CRYBG1: variants seen among roughly 807,000 people sequenced by gnomAD.
CRYBG1 encodes the protein beta/gamma crystallin domain-containing protein 1.
Under a neutral mutation model 189.2 loss-of-function variants are expected in CRYBG1, and 139 were observed. The ratio of observed to expected loss-of-function variants is 0.73; its 90% CI spans 0.64 to 0.85. The LOEUF (loss-of-function observed/expected upper bound fraction) is 0.85. CRYBG1 is among the 40% of genes least tolerant of loss of function. The pLI, the probability that CRYBG1 is intolerant of heterozygous loss-of-function variation, is 0.00. For missense variants in CRYBG1, 2,611 were observed against 2,675.8 expected (o/e 0.98, Z 0.53); for synonymous variants, 1,023 against 1,017.1 (o/e 1.01, Z -0.11).
In CRYBG1 at chr6:106,563,707, C is replaced by T. The variant is rs1009827169; in HGVS notation, c.6139-57C>T. The stretch of plus-strand genomic sequence containing the variant: ...CCCAATGTAACCAGAGAAATAATTG[C>T]TATGAGACTTACAGCTGGATACATA... On this transcript the variant is annotated intron_variant, in intron 20 of 21. Transcript: ENST00000633556. 8 of 1,525,492 alleles carry T rather than the reference C, an allele frequency of 5.2e-6. No homozygotes were observed. The Admixed American group carries it at 7.4e-5, about 14-fold the overall frequency. The allele number at this position is 1,525,492 out of a possible 1,614,324, so 94.5% of individuals were successfully genotyped here. A position where few individuals can be genotyped will look rare whatever the true frequency, so the allele number is the denominator to read the frequency against.
At chr6:106,513,795 T>C (rs1000634998) in intron 3 of CRYBG1, among the ~76,000 whole-genome samples, 1 of 152,232 alleles carries the variant, frequency 6.6e-6, no homozygotes, top group Admixed American at 6.5e-5. Context: ...AAAAAGTCCC[T>C]AATTTATGTA....
chr6:106,561,145 G>A (rs1774706086), intron 19 of CRYBG1, among the ~76,000 whole-genome samples, 197 bp from the exon 20 acceptor site: 1 of 152,200 alleles, frequency 6.6e-6, no homozygotes, highest in South Asian at 2.1e-4. Flanking sequence ...GTTATCCACA[G>A]GCAGGCACCC....
intron 2 of CRYBG1, among the ~76,000 whole-genome samples, chr6:106,464,160 C>G (rs772731892): frequency 3.9e-5 from 6 of 152,154 alleles, no homozygotes; most frequent in Non-Finnish European, 8.8e-5. Context: ...CTGGGCCTGT[C>G]TAATCGAACG....
At chr6:106,482,872 CTTGTAA>C (rs974984148) in intron 2 of CRYBG1, among the ~76,000 whole-genome samples, 2 of 152,092 alleles carry the variant, frequency 1.3e-5, no homozygotes, top group African/African-American at 4.8e-5. Flanking sequence ...TAATTGACAT[CTTGTAA>C]TTGTACATAT....
intron 2 of CRYBG1, among the ~76,000 whole-genome samples, chr6:106,483,322 G>A (rs1383393813): frequency 1.3e-5 from 2 of 149,066 alleles, no homozygotes; most frequent in African/African-American, 4.9e-5. Context: ...CAAATGACAG[G>A]ATTTCATTCT....
In CRYBG1 at chr6:106,521,038, C is replaced by T. The variant is rs769073910; in HGVS notation, c.3830C>T (p.Ser1277Phe). ...GCTTTCAGTACTTCTCAGAACGGTT[C>T]CCTATCTCAGTCTTCAGTGTCACAG... is the stretch of plus-strand genomic sequence containing the variant. ...TTAFSTSQNG[S>F]LSQSSVSQPT... The change falls in exon 4 of 22, where the codon TCC becomes TTC. Residue 1277 changes from serine to phenylalanine, a missense_variant. Coordinates refer to ENST00000633556, the MANE Select transcript of CRYBG1 (RefSeq NM_001371242.2). 1.9e-5 allele frequency: 30 copies of T among 1,614,020 alleles called. No individual in the cohort carries two copies. The South Asian group carries it at 3.2e-4, about 17-fold the overall frequency.
intron 9 of CRYBG1, among the ~76,000 whole-genome samples, chr6:106,540,935 T>C (rs543903893): frequency 1.3e-5 from 2 of 152,306 alleles, no homozygotes; most frequent in South Asian, 4.1e-4. Context: ...AGTTTTTTTG[T>C]TTTTAAAAAG....
chr6:106,446,878 T>C (rs559994584), intron 1 of CRYBG1, among the ~76,000 whole-genome samples: 2 of 152,258 alleles, frequency 1.3e-5, no homozygotes, highest in Admixed American at 1.3e-4. Context: ...CTTGCCGTTA[T>C]TAATTTTGCT....
At chr6:106,477,032 A>T (rs184631076) in intron 2 of CRYBG1, among the ~76,000 whole-genome samples, 1 of 152,286 alleles carries the variant, frequency 6.6e-6, no homozygotes, top group South Asian at 2.1e-4. Context: ...TGGTATTGTT[A>T]TTATTATTGG....
chr6:106,367,052 A>G (rs1177772256), intron 1 of CRYBG1, among the ~76,000 whole-genome samples: 1 of 152,050 alleles, frequency 6.6e-6, no homozygotes, highest in African/African-American at 2.4e-5. Context: ...AGCCAAGGCT[A>G]AACTTTCTAC....
rs747598742 is a variant in CRYBG1 at position 106,571,155 on chromosome 6, A to AAGTT, written c.*2592_*2595dup. The AAGTT allele has an allele frequency of 2.0e-5, 3 of 152,184 alleles. No homozygotes were observed. The highest frequency in any genetic ancestry group is 4.4e-5 in the Non-Finnish European group (3 of 68,028). The allele number at this position is 152,184 out of a possible 1,614,324, so 9.4% of individuals were successfully genotyped here. ...TTATGCAAGATGTAAGGGTTTTAAAAAGTTAGAAACTCTGCTCTCACCTTT... is the reference window on the plus strand; with the variant it reads ...TTATGCAAGATGTAAGGGTTTTAAAAAGTTAGTTAGAAACTCTGCTCTCACCTTT... On this transcript the variant is annotated 3_prime_UTR_variant, in exon 22 of 22. Transcript: ENST00000633556.
chr6:106,416,256 C>A (rs1338583249), intron 1 of CRYBG1, among the ~76,000 whole-genome samples: 1 of 152,226 alleles, frequency 6.6e-6, no homozygotes, highest in Non-Finnish European at 1.5e-5. Context: ...GAGTCCATAG[C>A]GTGATGAACA....
chr6:106,514,084 T>G (rs1409812929), intron 3 of CRYBG1, among the ~76,000 whole-genome samples: 1 of 152,168 alleles, frequency 6.6e-6, no homozygotes, highest in Non-Finnish European at 1.5e-5. Context: ...CTGTAAATCC[T>G]GGGGAAGTGC....
intron 1 of CRYBG1, among the ~76,000 whole-genome samples, chr6:106,373,674 T>C (rs1447788404): frequency 1.3e-5 from 2 of 152,240 alleles, no homozygotes; most frequent in Admixed American, 6.5e-5. Flanking sequence ...CTAACTTCTA[T>C]GTCAGTAGGT....
At chr6:106,435,020 C>T (rs1582760885) in intron 1 of CRYBG1, among the ~76,000 whole-genome samples, 1 of 152,078 alleles carries the variant, frequency 6.6e-6, no homozygotes, top group South Asian at 2.1e-4. Context: ...TCAGCGTGCC[C>T]CTTCATTATT....
At chr6:106,404,143 G>A (rs1770773568) in intron 1 of CRYBG1, among the ~76,000 whole-genome samples, 1 of 152,194 alleles carries the variant, frequency 6.6e-6, no homozygotes, top group Non-Finnish European at 1.5e-5. Flanking sequence ...CACTGGCTTG[G>A]TGGTGTTATG....
chr6:106,548,476 C>G (rs1422465661), intron 13 of CRYBG1, among the ~76,000 whole-genome samples: 2 of 152,196 alleles, frequency 1.3e-5, no homozygotes, highest in Non-Finnish European at 2.9e-5. Flanking sequence ...ATACAGTACC[C>G]ATACTTGTTA....
intron 3 of CRYBG1, among the ~76,000 whole-genome samples, chr6:106,518,586 G>A (rs184305895): frequency 8.1e-4 from 123 of 152,040 alleles, no homozygotes; most frequent in East Asian, 3.1e-3. Flanking sequence ...ATAATCTTCC[G>A]ATCCCTCATA....
At position 106,553,404 on chromosome 6, in the gene CRYBG1, T is replaced by C. The variant is rs373029958; in HGVS notation, c.5473-51T>C. 1.2e-5 allele frequency: 15 copies of C among 1,258,026 alleles called. No homozygotes were observed. The African/African-American group carries it at 1.9e-4, about 16-fold the overall frequency. 77.9% of individuals were successfully genotyped at this position (1,258,026 alleles called of 1,614,324 possible). ...GTCATCATTTCAAAGGCTAAATTAG[T>C]TAATGTGTTTAGGAAAATAATTTTA... On this transcript the variant is annotated intron_variant, in intron 15 of 21. Transcript: ENST00000633556.
Sources: allele counts gnomAD v4.1 joint callset (sites outside exome capture counted in the v4.1 genomes callset), GRCh38; gene constraint gnomAD v4.1.1; transcripts MANE v1.5; gene names NCBI Gene and HGNC (gene_info 2026-07-23, HGNC 2026-07-21).